The following MXI1 variants were observed in gnomAD, a reference collection of about 807,000 sequenced individuals.
The protein encoded by MXI1 is MAX interactor 1, dimerization protein.
MXI1 carries 18 observed loss-of-function variants against 36.9 expected under a neutral mutation model. The ratio of observed to expected loss-of-function variants is 0.49; its 90% CI spans 0.34 to 0.72. The LOEUF is 0.72. Ranked by LOEUF, MXI1 falls within the 30% of genes least tolerant of loss-of-function variation. The probability of loss-of-function intolerance (pLI) is 0.01; values close to 1 mark genes in which losing one functional copy is unlikely to be tolerated. For synonymous variants in MXI1, 160 were observed against 146.7 expected, an observed-to-expected ratio of 1.09 and a Z score of -0.65; for missense variants, 304 against 379.1, an observed-to-expected ratio of 0.80 and a Z score of 1.64.
chr10:110,231,534 A>G (rs1855260661), intron 2 of MXI1, among the ~76,000 whole-genome samples: 2 of 152,206 alleles, frequency 1.3e-5, no homozygotes, highest in African/African-American at 4.8e-5. Flanking sequence ...GTTCCTTGCA[A>G]ATACCAGTAA....
chr10:110,281,473 ATTTG>A (rs1394639941), intron 5 of MXI1, among the ~76,000 whole-genome samples: 1 of 152,140 alleles, frequency 6.6e-6, no homozygotes, highest in Non-Finnish European at 1.5e-5. Context: ...GCCACATTGC[ATTTG>A]TTTGATGTGC....
chr10:110,263,979 T>C (rs994428154), intron 3 of MXI1, among the ~76,000 whole-genome samples: 2 of 152,230 alleles, frequency 1.3e-5, no homozygotes, highest in Non-Finnish European at 2.9e-5. Flanking sequence ...TATCTCAGGA[T>C]GTTCTAAATT....
At chr10:110,249,071 C>T (rs1009627020) in intron 3 of MXI1, among the ~76,000 whole-genome samples, 4 of 152,060 alleles carry the variant, frequency 2.6e-5, no homozygotes, top group Non-Finnish European at 5.9e-5. Context: ...TCCTTTTTAC[C>T]AAGGCATCAT....
At chr10:110,281,221 A>AT (rs1857236825) in intron 5 of MXI1, among the ~76,000 whole-genome samples, 1 of 152,002 alleles carries the variant, frequency 6.6e-6, no homozygotes, top group African/African-American at 2.4e-5. Flanking sequence ...CACCCTCAAT[A>AT]TTTTTTCTGG....
At chr10:110,253,503 A>G (rs1334225192) in intron 3 of MXI1, among the ~76,000 whole-genome samples, 5 of 152,124 alleles carry the variant, frequency 3.3e-5, no homozygotes. Context: ...AAAAGGGCAT[A>G]GTTTTTTTAC....
Position 110,285,013 on chromosome 10 carries a change from G to T in MXI1, c.*26G>T. The T allele has an allele frequency of 1.3e-6, 2 of 1,580,836 alleles. No homozygotes were observed. The highest frequency in any genetic ancestry group is 2.3e-5 in the South Asian group (2 of 85,924). On this transcript the variant is annotated 3_prime_UTR_variant, in exon 6 of 6. Transcript: ENST00000332674. ...AACCCAGCATGACATAACAGTGCAG[G>T]GCAAAATATTCACTGGGCCAATTCA...
intron 1 of MXI1, among the ~76,000 whole-genome samples, chr10:110,211,055 G>A (rs1037343064): frequency 4.0e-5 from 6 of 150,112 alleles, no homozygotes; most frequent in Non-Finnish European, 8.8e-5. Context: ...GTGGGGTTGG[G>A]TAGTTTGTTG....
At chr10:110,219,631 T>G (rs575399770) in intron 1 of MXI1, among the ~76,000 whole-genome samples, 121 of 152,354 alleles carry the variant, frequency 7.9e-4, no homozygotes, top group African/African-American at 2.9e-3. Flanking sequence ...CCCAGCCACC[T>G]AACCTTATCC....
In MXI1 at chr10:110,276,970, C is replaced by T. The variant is rs1278611560; in HGVS notation, c.438-2210C>T. On this transcript the variant is annotated intron_variant, in intron 3 of 5. Coordinates refer to ENST00000332674, the MANE Select transcript of MXI1 (RefSeq NM_130439.3). The stretch of plus-strand genomic sequence containing the variant: ...AAGCGATTGTTGTGCCTCAGCCTCC[C>T]GAGTAGCTGGGATTACAGGCGTGCA... 3.3e-5 allele frequency among the ~76,000 whole-genome samples: 5 copies of T among 152,006 alleles called. No individual in the cohort carries two copies. In the East Asian group the frequency reaches 5.8e-4, roughly 18 times the overall value.
At position 110,280,214 on chromosome 10, in the gene MXI1, A is replaced by G. The variant is rs1857183019; in HGVS notation, c.724+129A>G. 4.2e-6 allele frequency: 3 copies of G among 722,358 alleles called. No individual in the cohort carries two copies. The South Asian group carries it at 1.2e-4, about 29-fold the overall frequency. The allele number at this position is 722,358 out of a possible 1,614,324, so 44.7% of individuals were successfully genotyped here. ...AGAGTAACATTGTAGGTTTTATGCA[A>G]TCATAATATTGTCTACAGCAGTGCC... On this transcript the variant is annotated intron_variant, in intron 5 of 5. Transcript: ENST00000332674.
intron 3 of MXI1, among the ~76,000 whole-genome samples, chr10:110,248,890 C>A (rs888082827): frequency 6.6e-6 from 1 of 152,102 alleles, no homozygotes; most frequent in African/African-American, 2.4e-5. Flanking sequence ...GAATAATAAT[C>A]TGTACCCTAC....
chr10:110,211,142 C>T (rs1452350655), intron 1 of MXI1, among the ~76,000 whole-genome samples: 1 of 151,650 alleles, frequency 6.6e-6, no homozygotes, highest in Admixed American at 6.6e-5. Context: ...CACAACCTCC[C>T]CGCCTTCATT....
chr10:110,233,267 G>C (rs1855338284), intron 2 of MXI1, among the ~76,000 whole-genome samples: 1 of 152,058 alleles, frequency 6.6e-6, no homozygotes, highest in Non-Finnish European at 1.5e-5. Flanking sequence ...AAATGCTTTA[G>C]TCTTATTTTA....
At chr10:110,231,817 T>C (rs1855275693) in intron 2 of MXI1, among the ~76,000 whole-genome samples, 1 of 152,204 alleles carries the variant, frequency 6.6e-6, no homozygotes, top group Non-Finnish European at 1.5e-5. Context: ...CTCTACTAAA[T>C]AAGCCATGAC....
chr10:110,279,233 G>T lies in MXI1; in HGVS notation c.491G>T (p.Gly164Val). 1 of 1,614,090 alleles carries T rather than the reference G, an allele frequency of 6.2e-7. No homozygotes were observed. Among genetic ancestry groups the T allele is most frequent in the South Asian group, 1.1e-5 (1 of 91,074 alleles). Residue 164 changes from glycine to valine, a missense_variant, in exon 4 of 6, where the codon GGA becomes GTA. Gly to Val is a moderately radical substitution (Grantham distance 109, BLOSUM62 -3). This residue lies in a region of MXI1 where 125 missense variants were observed against 194.3 expected (regional missense o/e 0.64). Coordinates refer to ENST00000332674, the MANE Select transcript of MXI1 (RefSeq NM_130439.3). The part of the protein sequence containing the change: ...LERLKVLIPL[G>V]PDCTRHTTLG... Reference sequence around the variant, plus strand: ...CGCTTAAAAGTTCTGATTCCACTAGGACCAGACTGCACCCGGCACACAACA... The same window carrying T: ...CGCTTAAAAGTTCTGATTCCACTAGTACCAGACTGCACCCGGCACACAACA...
At chr10:110,277,872 CCT>C (rs1220570228) in intron 3 of MXI1, among the ~76,000 whole-genome samples, 3 of 152,314 alleles carry the variant, frequency 2.0e-5, no homozygotes, top group African/African-American at 4.8e-5. Flanking sequence ...CCTTCTCCTA[CCT>C]CTCTTTTCAA....
chr10:110,251,419 G>T (rs1430805264), intron 3 of MXI1, among the ~76,000 whole-genome samples: 1 of 151,952 alleles, frequency 6.6e-6, no homozygotes, highest in Non-Finnish European at 1.5e-5. Context: ...TAAGGTTAAG[G>T]TCATTATAGT....
chr10:110,213,817 T>C (rs1197267344), intron 1 of MXI1, among the ~76,000 whole-genome samples: 2 of 152,234 alleles, frequency 1.3e-5, no homozygotes, highest in East Asian at 3.8e-4. Flanking sequence ...TGGAGATGCC[T>C]GGGCAAAAGT....
At chr10:110,210,037 C>A (rs1854471102) in intron 1 of MXI1, among the ~76,000 whole-genome samples, 1 of 130,858 alleles carries the variant, frequency 7.6e-6, no homozygotes. Flanking sequence ...CCCTGCCCCA[C>A]CCCCCACCCC....
Sources: allele counts gnomAD v4.1 joint callset (sites outside exome capture counted in the v4.1 genomes callset), GRCh38; gene constraint gnomAD v4.1.1; regional missense constraint gnomAD v4.1.1; transcripts MANE v1.5; gene names NCBI Gene and HGNC (gene_info 2026-07-23, HGNC 2026-07-21).